Variants in BAZ1A observed in about 807,000 individuals in gnomAD.
The protein encoded by BAZ1A is bromodomain adjacent to zinc finger domain protein 1A.
A neutral mutation model predicts 185.2 loss-of-function variants in BAZ1A; 50 were observed. The observed-to-expected ratio is 0.27, with a 90% confidence interval of 0.22 to 0.34. The LOEUF (loss-of-function observed/expected upper bound fraction) is 0.34. BAZ1A is among the 10% of genes least tolerant of loss of function. The pLI, the probability that BAZ1A is intolerant of heterozygous loss-of-function variation, is 1.00. For missense variants in BAZ1A, 1,356 were observed against 1,839.9 expected, an observed-to-expected ratio of 0.74 and a Z score of 4.81; for synonymous variants, 571 against 615.6, an observed-to-expected ratio of 0.93 and a Z score of 1.07.
chr14:34,774,604 A>G, intron 18 of BAZ1A, 114 bp from the exon 19 acceptor site: 2 of 833,826 alleles, frequency 2.4e-6, no homozygotes, highest in Admixed American at 2.9e-5. Flanking sequence ...GTAAATCCTC[A>G]AGTGCCACAA....
Position 34,758,766 on chromosome 14 carries a change from C to G in BAZ1A, c.4324G>C (p.Val1442Leu), listed in dbSNP as rs1474014466. 2 of 1,614,174 alleles carry G rather than the reference C, an allele frequency of 1.2e-6. No homozygotes were observed. Among genetic ancestry groups the G allele is most frequent in the South Asian group, 2.2e-5 (2 of 91,084 alleles). Residue 1442 changes from valine (V) to leucine (L), a missense_variant, in exon 25 of 27, where the codon GTT (valine) becomes CTT (leucine). By Grantham distance (32) the Val-to-Leu change is conservative. Coordinates refer to ENST00000360310, the MANE Select transcript of BAZ1A (RefSeq NM_013448.3). Reference sequence around the variant, plus strand: ...TCATCATGTCGTACCAATTCTACAACAAGTTGTTCAAAAGCAGACAATTCA... The same window carrying G: ...TCATCATGTCGTACCAATTCTACAAGAAGTTGTTCAAAAGCAGACAATTCA... The part of the protein sequence containing the change: ...VHELSAFEQL[V>L]VELVRHDDSW...
intron 4 of BAZ1A, among the ~76,000 whole-genome samples, chr14:34,824,279 CAGG>C (rs140804678): frequency 0.27 from 40,144 of 146,404 alleles, 5,793 homozygotes; most frequent in Admixed American, 0.38. Context: ...GACGATGAAG[CAGG>C]AGGACTGCCT....
chr14:34,759,592 C>T (rs1327261376), intron 24 of BAZ1A, among the ~76,000 whole-genome samples: 1 of 152,160 alleles, frequency 6.6e-6, no homozygotes, highest in African/African-American at 2.4e-5. Flanking sequence ...AGAAACTAGG[C>T]TTACATATAA....
chr14:34,790,806 T>TA (rs1880793827), intron 12 of BAZ1A, among the ~76,000 whole-genome samples: 1 of 152,118 alleles, frequency 6.6e-6, no homozygotes, highest in South Asian at 2.1e-4. Context: ...AATACTTATT[T>TA]AAAAAACTCA....
chr14:34,790,692 C>T (rs557928758), intron 12 of BAZ1A, among the ~76,000 whole-genome samples: 7 of 152,210 alleles, frequency 4.6e-5, no homozygotes, highest in South Asian at 2.1e-4. Flanking sequence ...CTCACTATGT[C>T]GCCCAGGCTA....
intron 21 of BAZ1A, among the ~76,000 whole-genome samples, chr14:34,770,686 T>C (rs1879155937): frequency 6.6e-6 from 1 of 152,166 alleles, no homozygotes; most frequent in African/African-American, 2.4e-5. Flanking sequence ...AACATAATGG[T>C]TAGGAGGTTC....
At chr14:34,844,772 C>T (rs1271369666) in intron 3 of BAZ1A, among the ~76,000 whole-genome samples, 5 of 32,418 alleles carry the variant, frequency 1.5e-4, no homozygotes, top group Non-Finnish European at 5.8e-4. Context: ...CACACACACA[C>T]ACGCGCACAC....
chr14:34,758,612 G>T, intron 25 of BAZ1A, 92 bp downstream of exon 25: 1 of 1,277,348 alleles, frequency 7.8e-7, no homozygotes, highest in Non-Finnish European at 1.1e-6. Context: ...AAACTAGACA[G>T]TGAGTAACAG....
Position 34,775,933 on chromosome 14 carries a change from T to C in BAZ1A, c.2819A>G (p.Lys940Arg), listed in dbSNP as rs1326149595. The C allele has an allele frequency of 6.4e-7, 1 of 1,561,570 alleles. No individual in the cohort carries two copies. The highest frequency in any genetic ancestry group is 8.7e-7 in the Non-Finnish European group (1 of 1,153,694). The change falls in exon 18 of 27, where the codon AAA (lysine) becomes AGA (arginine). Residue 940 changes from lysine (K) to arginine (R), a missense_variant. Lys to Arg is a conservative substitution (Grantham distance 26). Transcript: ENST00000360310. ...TGAAAATTTACCTGAAAAATGAAAT[T>C]TCTCTTCAGAAAAACGGGCTAGCTG... is the stretch of plus-strand genomic sequence containing the variant. ...CAQLARFSEE[K>R]FHFSDKPQPD...
intron 3 of BAZ1A, among the ~76,000 whole-genome samples, chr14:34,830,626 C>T (rs1417157771): frequency 6.6e-6 from 1 of 151,580 alleles, no homozygotes; most frequent in Non-Finnish European, 1.5e-5. Context: ...TAAAACTGTA[C>T]ATTTTAAATG....
intron 24 of BAZ1A, among the ~76,000 whole-genome samples, chr14:34,761,316 C>T (rs970965717): frequency 6.6e-6 from 1 of 152,042 alleles, no homozygotes; most frequent in Non-Finnish European, 1.5e-5. Flanking sequence ...GTCATCGCTT[C>T]CTAAAAATAT....
At chr14:34,834,427 C>A (rs2042297507) in intron 3 of BAZ1A, among the ~76,000 whole-genome samples, 1 of 152,164 alleles carries the variant, frequency 6.6e-6, no homozygotes, top group Admixed American at 6.5e-5. Context: ...GTGGGAACAA[C>A]TGACCACAGT....
chr14:34,864,286 G>A (rs888016084), intron 2 of BAZ1A, among the ~76,000 whole-genome samples: 11 of 151,934 alleles, frequency 7.2e-5, no homozygotes, highest in African/African-American at 2.7e-4. Context: ...TGGGACTACA[G>A]GTACATACCA....
At chr14:34,821,551 C>CA (rs2042089589) in intron 4 of BAZ1A, among the ~76,000 whole-genome samples, 1 of 152,042 alleles carries the variant, frequency 6.6e-6, no homozygotes, top group Non-Finnish European at 1.5e-5. Context: ...TAATAAGGTC[C>CA]AAAGACAGCT....
chr14:34,786,939 C>T (rs1027076739), intron 12 of BAZ1A, among the ~76,000 whole-genome samples: 7 of 151,758 alleles, frequency 4.6e-5, no homozygotes, highest in Non-Finnish European at 1.0e-4. Flanking sequence ...TAAGTCATAA[C>T]AAAGTATAGG....
chr14:34,827,237 G>A (rs918997908), intron 3 of BAZ1A, among the ~76,000 whole-genome samples: 4 of 152,206 alleles, frequency 2.6e-5, no homozygotes, highest in African/African-American at 9.6e-5. Flanking sequence ...GTGCACTTGA[G>A]AAGAATGTGT....
intron 2 of BAZ1A, among the ~76,000 whole-genome samples, chr14:34,869,364 G>C (rs2138840523): frequency 6.6e-6 from 1 of 152,282 alleles, no homozygotes; most frequent in African/African-American, 2.4e-5. Flanking sequence ...CAGTATGGTA[G>C]AGAAACAATG....
intron 12 of BAZ1A, among the ~76,000 whole-genome samples, chr14:34,786,769 G>T (rs751732077): frequency 6.6e-6 from 1 of 151,470 alleles, no homozygotes; most frequent in African/African-American, 2.4e-5. Context: ...CACCACGCCC[G>T]GCTAATTTTT....
intron 23 of BAZ1A, among the ~76,000 whole-genome samples, chr14:34,763,264 G>A (rs1216326716): frequency 1.3e-5 from 2 of 152,128 alleles, no homozygotes; most frequent in Non-Finnish European, 2.9e-5. Flanking sequence ...CAGGGAAGAT[G>A]GCTCTTCTAG....
Sources: allele counts gnomAD v4.1 joint callset (sites outside exome capture counted in the v4.1 genomes callset), GRCh38; gene constraint gnomAD v4.1.1; transcripts MANE v1.5; gene names NCBI Gene and HGNC (gene_info 2026-07-23, HGNC 2026-07-21).